CA10: variants seen among roughly 807,000 people sequenced by gnomAD.
The protein encoded by CA10 is carbonic anhydrase 10 (inactive).
Under a neutral mutation model 44.2 loss-of-function variants are expected in CA10, and 14 were observed. The observed-to-expected ratio is 0.32, with a 90% CI of 0.21 to 0.50. The LOEUF (loss-of-function observed/expected upper bound fraction) is 0.50, where lower values mean the gene tolerates loss of function less well. Among genes scored for constraint, CA10 ranks in the 20% least tolerant of loss-of-function variants. The pLI is 0.99. For missense variants in CA10, 350 were observed against 409.7 expected, an observed-to-expected ratio of 0.85 and a Z score of 1.26; for synonymous variants, 159 against 141.6, an observed-to-expected ratio of 1.12 and a Z score of -0.87.
chr17:52,049,499 C>G (rs760706270), intron 2 of CA10, among the ~76,000 whole-genome samples: 2 of 152,090 alleles, frequency 1.3e-5, no homozygotes, highest in Non-Finnish European at 2.9e-5. Context: ...CAAACAAAAC[C>G]TCACTATGTT....
chr17:51,902,439 C>T (rs1010040418), intron 3 of CA10, among the ~76,000 whole-genome samples: 2 of 152,084 alleles, frequency 1.3e-5, no homozygotes, highest in African/African-American at 2.4e-5. Context: ...TTGTGCCTTA[C>T]AAGAGCCCTG....
chr17:51,729,316 T>C (rs1916633345), intron 4 of CA10, among the ~76,000 whole-genome samples: 1 of 152,182 alleles, frequency 6.6e-6, no homozygotes. Context: ...TTCAATGTCA[T>C]CTTTTCAGAT....
In CA10 at chr17:51,711,729, G is replaced by A. The variant is rs372178621; in HGVS notation, c.465+35904C>T. On this transcript the variant is annotated intron_variant, in intron 4 of 8. Transcript: ENST00000451037. Reference sequence around the variant, plus strand: ...TTTCAGTCTGAGCCCATAGGAGGGCGCTGGAGTATGAATCTCACAACAAAA... The same window carrying A: ...TTTCAGTCTGAGCCCATAGGAGGGCACTGGAGTATGAATCTCACAACAAAA... Among the ~76,000 whole-genome samples, 60 of 152,334 alleles carry A rather than the reference G, an allele frequency of 3.9e-4. 2 individuals carry two copies. The South Asian group carries it at 9.3e-3, about 24-fold the overall frequency.
intron 2 of CA10, among the ~76,000 whole-genome samples, chr17:51,940,867 G>T (rs534719966): frequency 6.6e-6 from 1 of 152,156 alleles, no homozygotes; most frequent in Admixed American, 6.6e-5. Context: ...AGGGTCATAA[G>T]AGGACACACT....
intron 2 of CA10, among the ~76,000 whole-genome samples, chr17:51,932,948 C>T (rs1982724256): frequency 1.3e-5 from 2 of 151,800 alleles, no homozygotes. Context: ...TTTATTTATC[C>T]CTCAATCATC....
intron 4 of CA10, among the ~76,000 whole-genome samples, chr17:51,746,902 CTT>C (rs1354898133): frequency 1.3e-5 from 2 of 152,340 alleles, no homozygotes; most frequent in African/African-American, 4.8e-5. Flanking sequence ...ATTGAGGACT[CTT>C]AAGCAGAAAC....
intron 2 of CA10, among the ~76,000 whole-genome samples, chr17:51,942,251 T>A (rs932645668): frequency 3.3e-5 from 5 of 152,016 alleles, no homozygotes; most frequent in Admixed American, 2.6e-4. Context: ...TCATGAGACA[T>A]CAGGAGAAAT....
At chr17:51,916,899 G>A (rs1038016244) in intron 3 of CA10, among the ~76,000 whole-genome samples, 2 of 152,082 alleles carry the variant, frequency 1.3e-5, no homozygotes, top group Admixed American at 6.6e-5. Flanking sequence ...CATGGCCACC[G>A]GAGTCCTTTC....
chr17:52,047,106 T>C (rs1241089900), intron 2 of CA10, among the ~76,000 whole-genome samples: 2 of 152,018 alleles, frequency 1.3e-5, no homozygotes, highest in Non-Finnish European at 2.9e-5. Context: ...GTGATGTATG[T>C]ATAGAATAAA....
chr17:51,701,806 C>T (rs1004631707), intron 4 of CA10, among the ~76,000 whole-genome samples: 1 of 152,160 alleles, frequency 6.6e-6, no homozygotes, highest in Non-Finnish European at 1.5e-5. Flanking sequence ...ATTCCATTTA[C>T]CTAGAGGCTG....
At chr17:51,985,802 G>A (rs1984812828) in intron 2 of CA10, among the ~76,000 whole-genome samples, 1 of 151,854 alleles carries the variant, frequency 6.6e-6, no homozygotes, top group African/African-American at 2.4e-5. Flanking sequence ...TAACAAAGGA[G>A]GTGAAAGACC....
At chr17:51,981,971 T>C (rs1598151521) in intron 2 of CA10, among the ~76,000 whole-genome samples, 2 of 152,046 alleles carry the variant, frequency 1.3e-5, no homozygotes, top group South Asian at 2.1e-4. Flanking sequence ...TGATGTAATA[T>C]ATGAGGGTAT....
chr17:51,899,257 C>T (rs1450892064), intron 3 of CA10, among the ~76,000 whole-genome samples: 1 of 151,712 alleles, frequency 6.6e-6, no homozygotes, highest in African/African-American at 2.4e-5. Flanking sequence ...TCTTTGTTCT[C>T]GTTAGTTCAA....
intron 3 of CA10, among the ~76,000 whole-genome samples, chr17:51,823,855 G>T (rs1907911116): frequency 1.3e-5 from 2 of 152,148 alleles, no homozygotes; most frequent in Admixed American, 1.3e-4. Context: ...GGCTATGTTA[G>T]GCATTGTGAC....
At chr17:51,769,066 C>T (rs1905498544) in intron 3 of CA10, among the ~76,000 whole-genome samples, 1 of 152,128 alleles carries the variant, frequency 6.6e-6, no homozygotes, top group Non-Finnish European at 1.5e-5. Flanking sequence ...ATAATGACAA[C>T]ATGTCTTGAA....
intron 3 of CA10, among the ~76,000 whole-genome samples, chr17:51,787,422 T>C (rs1478478438): frequency 6.6e-6 from 1 of 152,202 alleles, no homozygotes; most frequent in Non-Finnish European, 1.5e-5. Flanking sequence ...TATTAGCATA[T>C]AGTTGCTCAT....
chr17:51,899,862 C>T (rs1981234058), intron 3 of CA10, among the ~76,000 whole-genome samples: 1 of 147,380 alleles, frequency 6.8e-6, no homozygotes, highest in Admixed American at 6.7e-5. Flanking sequence ...TTAATATCAA[C>T]TCCTGATTTG....
chr17:51,831,686 A>AGCGGCAGCGGCAGCAGCGGCAGCG (rs1567854544), intron 3 of CA10, among the ~76,000 whole-genome samples: 5 of 75,966 alleles, frequency 6.6e-5, no homozygotes, highest in Non-Finnish European at 1.3e-4. Context: ...CAGCAGCAGC[A>AGCGGCAGCGGCAGCAGCGGCAGCG]GCAGCAGCAG....
chr17:51,846,832 A>C (rs1229387206), intron 3 of CA10, among the ~76,000 whole-genome samples: 1 of 152,170 alleles, frequency 6.6e-6, no homozygotes, highest in Non-Finnish European at 1.5e-5. Flanking sequence ...ACATGATGGG[A>C]GGCAGGCTCA....
Sources: gnomAD v4.1 joint callset for allele counts (sites outside exome capture counted in the v4.1 genomes callset) on GRCh38, gnomAD v4.1.1 for gene constraint, MANE v1.5 for transcripts, NCBI Gene and HGNC (gene_info 2026-07-23, HGNC 2026-07-21) for gene names.